Variants in AHCYL2 observed in about 807,000 individuals in gnomAD.
The protein encoded by AHCYL2 is S-adenosylhomocysteine hydrolase-like protein 2.
In AHCYL2, 28 loss-of-function variants were observed where a neutral mutation model predicts 81.4. The observed-to-expected ratio is 0.34, with a 90% CI of 0.25 to 0.47. The LOEUF (loss-of-function observed/expected upper bound fraction) is 0.47. Among genes scored for constraint, AHCYL2 ranks in the 20% least tolerant of loss-of-function variants. The probability of loss-of-function intolerance (pLI) is 1.00; values close to 1 mark genes in which losing one functional copy is unlikely to be tolerated. For synonymous variants in AHCYL2, 272 were observed against 290.2 expected, an observed-to-expected ratio of 0.94 and a Z score of 0.64; for missense variants, 551 against 785.1, an observed-to-expected ratio of 0.70 and a Z score of 3.56.
chr7:129,331,127 C>A (rs1389586558), intron 1 of AHCYL2, among the ~76,000 whole-genome samples: 1 of 152,006 alleles, frequency 6.6e-6, no homozygotes, highest in Admixed American at 6.6e-5. Context: ...TTTTTTCATT[C>A]TAAAACATAG....
In AHCYL2 at chr7:129,229,808, A is replaced by G. The variant is rs75669051; in HGVS notation, c.363+4369A>G. Among the ~76,000 whole-genome samples, 132 of 152,350 alleles carry G rather than the reference A, an allele frequency of 8.7e-4. No homozygotes were observed. In the East Asian group the frequency reaches 0.024, roughly 27 times the overall value. The stretch of plus-strand genomic sequence containing the variant: ...ATAAAAGCATCTTATACAGAAAAGC[A>G]TTTCAAGATCAATGATGCAGCTTCA... On this transcript the variant is annotated intron_variant, in intron 1 of 16. Transcript: ENST00000325006.
At chr7:129,225,852 T>C (rs1794196345) in intron 1 of AHCYL2, among the ~76,000 whole-genome samples, 1 of 152,212 alleles carries the variant, frequency 6.6e-6, no homozygotes, top group African/African-American at 2.4e-5. Context: ...AGATCTTTAA[T>C]ACTTGGAGAA....
At chr7:129,235,442 A>G (rs1348923744) in intron 1 of AHCYL2, among the ~76,000 whole-genome samples, 1 of 151,448 alleles carries the variant, frequency 6.6e-6, no homozygotes, top group East Asian at 1.9e-4. Context: ...CTTTCTCTTG[A>G]GACAGGGTCT....
rs1207633884 is a variant in AHCYL2, at chr7:129,429,915, CA to C, written c.*2874del. On this transcript the variant is annotated 3_prime_UTR_variant, in exon 17 of 17. Coordinates refer to ENST00000325006, the MANE Select transcript of AHCYL2 (RefSeq NM_015328.4). ...TTTGCCGTGGTTTTTAAAAAGGAATCAAAATGCATTGTTGCATTAAGCTTTT... is the reference window on the plus strand; with the variant it reads ...TTTGCCGTGGTTTTTAAAAAGGAATCAAATGCATTGTTGCATTAAGCTTTT... The C allele has an allele frequency of 1.3e-5, 2 of 152,374 alleles. No individual in the cohort carries two copies. Among genetic ancestry groups the C allele is most frequent in the Non-Finnish European group, 2.9e-5 (2 of 68,002 alleles). The allele number at this position is 152,374 out of a possible 1,614,324, so 9.4% of individuals were successfully genotyped here.
intron 1 of AHCYL2, among the ~76,000 whole-genome samples, chr7:129,258,549 T>C (rs1204285104): frequency 8.3e-6 from 1 of 120,700 alleles, no homozygotes; most frequent in African/African-American, 2.9e-5. Flanking sequence ...TTATGTTATT[T>C]ATCTTGCTTT....
At chr7:129,358,377 G>GC (rs1344239082) in intron 1 of AHCYL2, among the ~76,000 whole-genome samples, 1 of 151,902 alleles carries the variant, frequency 6.6e-6, no homozygotes, top group Non-Finnish European at 1.5e-5. Flanking sequence ...GGGAGACAGA[G>GC]CGAGACTCCG....
At chr7:129,394,873 C>T (rs971707543) in intron 4 of AHCYL2, among the ~76,000 whole-genome samples, 1 of 152,090 alleles carries the variant, frequency 6.6e-6, no homozygotes, top group Non-Finnish European at 1.5e-5. Context: ...ATAGCAAGAT[C>T]CTGTGTATAA....
At chr7:129,277,318 G>T (rs974525877) in intron 1 of AHCYL2, among the ~76,000 whole-genome samples, 1 of 141,114 alleles carries the variant, frequency 7.1e-6, no homozygotes, top group Admixed American at 7.6e-5. Flanking sequence ...TTGCTCTGTC[G>T]CCCAGGCTAG....
chr7:129,382,221 A>G (rs934747546), intron 2 of AHCYL2, among the ~76,000 whole-genome samples: 2 of 152,184 alleles, frequency 1.3e-5, no homozygotes, highest in Admixed American at 6.5e-5. Flanking sequence ...AATGGAACTG[A>G]CTCACAACTC....
intron 12 of AHCYL2, among the ~76,000 whole-genome samples, chr7:129,421,324 T>C (rs1797110182): frequency 1.3e-5 from 2 of 152,138 alleles, no homozygotes; most frequent in Admixed American, 6.5e-5. Context: ...TGGAGCTCCT[T>C]GCTGTAGTAC....
chr7:129,252,502 C>T (rs1012190270), intron 1 of AHCYL2, among the ~76,000 whole-genome samples: 1 of 152,244 alleles, frequency 6.6e-6, no homozygotes, highest in African/African-American at 2.4e-5. Context: ...CGTGATGGCT[C>T]ACCTCTGTAA....
chr7:129,300,933 A>G (rs1797238394), intron 1 of AHCYL2, among the ~76,000 whole-genome samples: 1 of 152,160 alleles, frequency 6.6e-6, no homozygotes, highest in Non-Finnish European at 1.5e-5. Flanking sequence ...CTCCTGGGTA[A>G]GGGATTCTCC....
chr7:129,368,370 G>C lies in AHCYL2; in HGVS notation c.364-11268G>C. ...TGCTGTGAAAAGGGATGCAGCTTCT[G>C]CTAGCCACTGTGAACTTCTGAATCT... On this transcript the variant is annotated intron_variant, in intron 1 of 16. Transcript: ENST00000325006. The surrounding 1 kb of genome is among the most constrained non-coding windows in gnomAD (Gnocchi z 4.4). 6.5e-7 allele frequency: 1 copy of C among 1,530,408 alleles called. No homozygotes were observed. Among genetic ancestry groups the C allele is most frequent in the Non-Finnish European group, 8.8e-7 (1 of 1,139,580 alleles). The allele number at this position is 1,530,408 out of a possible 1,614,324, so 94.8% of individuals were successfully genotyped here. A position where few individuals can be genotyped will look rare whatever the true frequency, so the allele number is the denominator to read the frequency against.
intron 1 of AHCYL2, among the ~76,000 whole-genome samples, chr7:129,330,470 A>ATTTTTTT (rs34481793): frequency 7.2e-6 from 1 of 139,160 alleles, no homozygotes; most frequent in East Asian, 2.0e-4. Flanking sequence ...ACTCTGGTAC[A>ATTTTTTT]TTTTTTTTTT....
chr7:129,269,597 T>C (rs1292374172), intron 1 of AHCYL2, among the ~76,000 whole-genome samples: 1 of 151,896 alleles, frequency 6.6e-6, no homozygotes, highest in Non-Finnish European at 1.5e-5. Context: ...TGTTTTGTTT[T>C]GTTTTGTTTT....
chr7:129,305,594 T>G (rs193154860), intron 1 of AHCYL2, among the ~76,000 whole-genome samples: 1 of 152,352 alleles, frequency 6.6e-6, no homozygotes, highest in Admixed American at 6.5e-5. Context: ...TTTTGATCAG[T>G]TCATCTTTCT....
intron 10 of AHCYL2, among the ~76,000 whole-genome samples, chr7:129,407,367 C>G (rs1489869572): frequency 1.3e-5 from 2 of 152,022 alleles, no homozygotes; most frequent in Non-Finnish European, 2.9e-5. Flanking sequence ...AATTATTATT[C>G]TATATTATAC....
intron 1 of AHCYL2, among the ~76,000 whole-genome samples, chr7:129,279,851 T>C (rs1280084729): frequency 1.3e-5 from 2 of 152,192 alleles, no homozygotes; most frequent in African/African-American, 2.4e-5. Flanking sequence ...TCTTTTAGCA[T>C]ACTAATGCAT....
intron 1 of AHCYL2, among the ~76,000 whole-genome samples, chr7:129,357,861 G>T (rs1793788755): frequency 6.6e-6 from 1 of 151,340 alleles, no homozygotes; most frequent in Non-Finnish European, 1.5e-5. Flanking sequence ...GTGAATCCAG[G>T]AGGTGGAGCT....
Sources: gnomAD v4.1 joint callset for allele counts (sites outside exome capture counted in the v4.1 genomes callset) on GRCh38, gnomAD v4.1.1 for gene constraint, Gnocchi (gnomAD v3.1) non-coding constraint, MANE v1.5 for transcripts, NCBI Gene and HGNC (gene_info 2026-07-23, HGNC 2026-07-21) for gene names.